The following LILRB4 variants were observed in gnomAD, a reference collection of about 807,000 sequenced individuals.
The protein encoded by LILRB4 is leukocyte immunoglobulin like receptor B4.
Under a neutral mutation model 55.2 loss-of-function variants are expected in LILRB4, and 49 were observed. That is an observed-to-expected ratio of 0.89 (90% CI 0.71 to 1.13). LILRB4 has a LOEUF of 1.13. Among genes scored for constraint, LILRB4 ranks in the 50% most tolerant of loss-of-function variants. The probability of loss-of-function intolerance (pLI) is 0.00; values close to 1 mark genes in which losing one functional copy is unlikely to be tolerated. For missense variants in LILRB4, 590 were observed against 555.2 expected, an observed-to-expected ratio of 1.06 and a Z score of -0.63; for synonymous variants, 229 against 213.8, an observed-to-expected ratio of 1.07 and a Z score of -0.62.
In LILRB4 at chr19:54,666,335, T is replaced by C. The variant is rs748247085; in HGVS notation, c.950+20T>C. On this transcript the variant is annotated intron_variant, in intron 8 of 11. Transcript: ENST00000430952. The surrounding 1 kb of genome is among the most constrained non-coding windows in gnomAD (Gnocchi z 4.8). The stretch of plus-strand genomic sequence containing the variant: ...GAGGAGGTAATTCTGCCCAAAGACC[T>C]CAGACTCCCACCCATCCCAACAGCC... The C allele has an allele frequency of 1.2e-6, 2 of 1,609,408 alleles. No homozygotes were observed. Among genetic ancestry groups the C allele is most frequent in the Non-Finnish European group, 1.7e-6 (2 of 1,177,642 alleles).
At chr19:54,663,940 C>A (rs2065137660) in exon 3 of LILRB4, 2 of 1,614,144 alleles carry the variant, frequency 1.2e-6, no homozygotes, top group Non-Finnish European at 1.7e-6. Flanking sequence ...TTCTCCATCC[C>A]ATCCATGACA....
intron 5 of LILRB4, 27 bp downstream of exon 5, chr19:54,664,876 G>T: frequency 6.2e-7 from 1 of 1,607,168 alleles, no homozygotes; most frequent in East Asian, 2.2e-5. Flanking sequence ...TCTGTCCAGA[G>T]AGTTTCCAAA....
intron 4 of LILRB4, 72 bp from the exon 5 acceptor site, chr19:54,664,727 G>C: frequency 8.1e-7 from 1 of 1,228,490 alleles, no homozygotes; most frequent in Non-Finnish European, 1.2e-6. Flanking sequence ...CAGATATAGG[G>C]AGAGGTTCAA....
rs1321679372 is a variant in LILRB4, at chr19:54,666,337, A to G, written c.950+22A>G. On this transcript the variant is annotated intron_variant, in intron 8 of 11. Transcript: ENST00000430952. This position sits in a 1 kb window ranked among gnomAD's most constrained non-coding sequence, Gnocchi z 4.8. The stretch of plus-strand genomic sequence containing the variant: ...GGAGGTAATTCTGCCCAAAGACCTC[A>G]GACTCCCACCCATCCCAACAGCCAC... 2.5e-6 allele frequency: 4 copies of G among 1,609,536 alleles called. No individual in the cohort carries two copies. Among genetic ancestry groups the G allele is most frequent in the Non-Finnish European group, 3.4e-6 (4 of 1,177,692 alleles).
intron 2 of LILRB4, 59 bp from the exon 3 acceptor site, chr19:54,663,695 A>G: frequency 6.2e-7 from 1 of 1,608,874 alleles, no homozygotes; most frequent in Non-Finnish European, 8.5e-7. Flanking sequence ...CCTGGGGCTG[A>G]GAGCTGGGAT....
Position 54,665,130 on chromosome 19 carries a change from C to G in LILRB4, c.707C>G (p.Ala236Gly). 1 of 1,608,562 alleles carries G rather than the reference C, an allele frequency of 6.2e-7. No individual in the cohort carries two copies. The highest frequency in any genetic ancestry group is 8.5e-7 in the Non-Finnish European group (1 of 1,177,030). Residue 236 changes from alanine to glycine, a missense_variant and splice_region_variant, in exon 6 of 12, where the codon GCA (alanine) becomes GGA (glycine). Physicochemically the swap from Ala to Gly is moderately conservative, Grantham distance 60. Coordinates refer to ENST00000430952, the Ensembl canonical transcript of LILRB4. This position sits in a 1 kb window ranked among gnomAD's most constrained non-coding sequence, Gnocchi z 5.5. ...CCCTCACATCCCTGTTCTAACCCAG[C>G]AGGCCCTGAGGACCAGCCCCTCATG...
intron 4 of LILRB4, 127 bp downstream of exon 4, chr19:54,664,612 G>A (rs2065182502): frequency 8.8e-7 from 1 of 1,137,842 alleles, no homozygotes. Context: ...TCAGAGGGGA[G>A]GAGGACAACA....
At chr19:54,668,199 T>C (rs1366503908) in exon 12 of LILRB4, 1 of 648,618 alleles carries the variant, frequency 1.5e-6, no homozygotes, top group Non-Finnish European at 2.6e-6. Context: ...ATCCCTGCAT[T>C]ATCAAAATAA....
At chr19:54,663,818 G>T (rs1349574287) in exon 3 of LILRB4, 1 of 1,614,142 alleles carries the variant, frequency 6.2e-7, no homozygotes, top group Admixed American at 1.7e-5. Context: ...GGAACTCTGT[G>T]ACCATCTGGT....
rs2065179652 is a variant in LILRB4, at chr19:54,664,542, C to T, written c.655+57C>T. On this transcript the variant is annotated intron_variant, in intron 4 of 11. Transcript: ENST00000430952. ...CAGTGGCTCCGTTCATGCCCTGCTG[C>T]CAGGAGAGCTCTGGGCAGGGATGGA... 6 of 1,511,858 alleles carry T rather than the reference C, an allele frequency of 4.0e-6. No individual in the cohort carries two copies. In the African/African-American group the frequency reaches 4.1e-5, roughly 10 times the overall value. The allele number at this position is 1,511,858 out of a possible 1,614,324, so 93.7% of individuals were successfully genotyped here.
In LILRB4 at chr19:54,666,104, C is replaced by T. The variant is rs138805165; in HGVS notation, c.875-136C>T. On this transcript the variant is annotated intron_variant, in intron 7 of 11. Coordinates refer to ENST00000430952, the Ensembl canonical transcript of LILRB4. The surrounding 1 kb of genome is among the most constrained non-coding windows in gnomAD (Gnocchi z 4.8). ...GAGTAATGGAAGTGCTTTATTCTTTCGGTTTTTCTAAACTTAGAAAGTATT... is the reference window on the plus strand; with the variant it reads ...GAGTAATGGAAGTGCTTTATTCTTTTGGTTTTTCTAAACTTAGAAAGTATT... 54 of 1,231,802 alleles carry T rather than the reference C, an allele frequency of 4.4e-5. No individual in the cohort carries two copies. Among genetic ancestry groups the T allele is most frequent in the Admixed American group, 7.2e-5 (3 of 41,550 alleles). 76.3% of individuals were successfully genotyped at this position (1,231,802 alleles called of 1,614,324 possible).
chr19:54,665,945 TGGGGG>T lies in LILRB4; in HGVS notation c.874+15_874+19del, dbSNP rs1208968977. On this transcript the variant is annotated intron_variant, in intron 7 of 11. Coordinates refer to ENST00000430952, the Ensembl canonical transcript of LILRB4. This position sits in a 1 kb window ranked among gnomAD's most constrained non-coding sequence, Gnocchi z 5.5. ...ACAGGACATTGGGTAAGTAGGAAAT[TGGGGG>T]ACCCGTGGGCTGATGGAGGGTGGGC... The T allele has an allele frequency of 5.6e-6, 9 of 1,613,530 alleles. No individual in the cohort carries two copies. The highest frequency in any genetic ancestry group is 7.6e-6 in the Non-Finnish European group (9 of 1,179,874).
Position 54,667,032 on chromosome 19 carries a change from T to C in LILRB4, c.1041+283T>C, listed in dbSNP as rs537901201. ...GGAGGATGACGAATAAATGAACCAC[T>C]CCAGTCCCCTGGGCTCCCCTTCATT... On this transcript the variant is annotated intron_variant, in intron 10 of 11. Coordinates refer to ENST00000430952, the Ensembl canonical transcript of LILRB4. 440 of 666,348 alleles carry C rather than the reference T, an allele frequency of 6.6e-4. 1 individual carries two copies. Among genetic ancestry groups the C allele is most frequent in the African/African-American group, 2.5e-3 (142 of 56,366 alleles). 41.3% of individuals were successfully genotyped at this position (666,348 alleles called of 1,614,324 possible).
In LILRB4 at chr19:54,667,857, C is replaced by T; in HGVS notation, c.1198-16C>T. On this transcript the variant is annotated splice_polypyrimidine_tract_variant and intron_variant, in intron 11 of 11. Transcript: ENST00000430952. ...CCCCCACCACGTTCCTTCCCTCTCA[C>T]TCTCCCCCGCTGCAGGCTGCTGCAT... The T allele has an allele frequency of 6.2e-7, 1 of 1,610,420 alleles. No homozygotes were observed. Among genetic ancestry groups the T allele is most frequent in the East Asian group, 2.2e-5 (1 of 44,732 alleles).
exon 12 of LILRB4, chr19:54,668,330 G>C: frequency 3.2e-6 from 1 of 316,036 alleles, no homozygotes. Flanking sequence ...GGGAAAATGG[G>C]AGCTTCTAAT....
exon 1 of LILRB4, chr19:54,663,026 G>A (rs1042997020): frequency 6.2e-7 from 1 of 1,614,014 alleles, no homozygotes; most frequent in African/African-American, 1.3e-5. Context: ...CCCCTGGGAG[G>A]AGACGCCATG....
At chr19:54,664,521 G>T (rs2065178398) in intron 4 of LILRB4, 36 bp downstream of exon 4, 1 of 1,561,550 alleles carries the variant, frequency 6.4e-7, no homozygotes, top group South Asian at 1.2e-5. Context: ...TGAGCTCAGT[G>T]GCTCCGTTCA....
chr19:54,665,086 G>T lies in LILRB4; in HGVS notation c.707-44G>T. The T allele has an allele frequency of 6.2e-7, 1 of 1,606,768 alleles. No individual in the cohort carries two copies. Among genetic ancestry groups the T allele is most frequent in the Non-Finnish European group, 8.5e-7 (1 of 1,174,962 alleles). On this transcript the variant is annotated intron_variant, in intron 5 of 11. Transcript: ENST00000430952. The surrounding 1 kb of genome is among the most constrained non-coding windows in gnomAD (Gnocchi z 5.5). ...TGCGGGGAGAAGCCGAGCTGATGTGGGGAGCAGGGCAGCCCCAGCCCTCAC... is the reference window on the plus strand; with the variant it reads ...TGCGGGGAGAAGCCGAGCTGATGTGTGGAGCAGGGCAGCCCCAGCCCTCAC...
In LILRB4 at chr19:54,666,735, G is replaced by A; in HGVS notation, c.1027G>A (p.Glu343Lys). ...GAACACACAGCCTGAGGACGGGGTG[G>A]AAATGGACACTCGGGTGAGAACCCG... The change falls in exon 10 of 12, where the codon GAA becomes AAA. Residue 343 changes from glutamate to lysine, a missense_variant. By Grantham distance (56) the Glu-to-Lys change is moderately conservative. Coordinates refer to ENST00000430952, the Ensembl canonical transcript of LILRB4. This position sits in a 1 kb window ranked among gnomAD's most constrained non-coding sequence, Gnocchi z 4.8. 6.2e-7 allele frequency: 1 copy of A among 1,614,202 alleles called. No individual in the cohort carries two copies. The highest frequency in any genetic ancestry group is 8.5e-7 in the Non-Finnish European group (1 of 1,180,028).
Sources: gnomAD v4.1 joint callset for allele counts on GRCh38, gnomAD v4.1.1 for gene constraint, Gnocchi (gnomAD v3.1) non-coding constraint, MANE v1.5 for transcripts, NCBI Gene and HGNC (gene_info 2026-07-23, HGNC 2026-07-21) for gene names.